RNF150: variants seen among roughly 807,000 people sequenced by gnomAD.
RNF150 encodes ring finger protein 150.
In RNF150, 24 loss-of-function variants were observed where a neutral mutation model predicts 39.3. The observed-to-expected ratio is 0.61, with a 90% CI of 0.44 to 0.86. The LOEUF is 0.86. Among genes scored for constraint, RNF150 ranks in the 40% least tolerant of loss-of-function variants. The probability of loss-of-function intolerance (pLI) is 0.00; values close to 1 mark genes in which losing one functional copy is unlikely to be tolerated. For missense variants in RNF150, 502 were observed against 587.8 expected, an observed-to-expected ratio of 0.85 and a Z score of 1.51; for synonymous variants, 255 against 227.3, an observed-to-expected ratio of 1.12 and a Z score of -1.10.
chr4:141,167,254 C>T (rs534271365), intron 1 of RNF150, among the ~76,000 whole-genome samples: 1 of 152,048 alleles, frequency 6.6e-6, no homozygotes, highest in South Asian at 2.1e-4. Context: ...TGAAAGACCT[C>T]TTCAAGGAAA....
chr4:141,033,000 C>T (rs563641097), intron 1 of RNF150, among the ~76,000 whole-genome samples: 13 of 152,120 alleles, frequency 8.5e-5, no homozygotes, highest in Non-Finnish European at 1.6e-4. Context: ...GTGGTGGTTA[C>T]TGAAGGTCGG....
intron 1 of RNF150, among the ~76,000 whole-genome samples, chr4:141,078,726 C>G (rs543730285): frequency 7.0e-6 from 1 of 142,902 alleles, no homozygotes; most frequent in African/African-American, 2.6e-5. Context: ...GGCGGTGGAG[C>G]TTGCAGTGAG....
At chr4:141,089,239 C>G (rs1349138083) in intron 1 of RNF150, among the ~76,000 whole-genome samples, 1 of 147,232 alleles carries the variant, frequency 6.8e-6, no homozygotes, top group Admixed American at 6.8e-5. Flanking sequence ...TGGGCTCTGT[C>G]TGCCTCTAGG....
upstream of RNF150, among the ~76,000 whole-genome samples, chr4:141,134,660 T>C (rs1726996707): frequency 6.6e-6 from 1 of 152,202 alleles, no homozygotes; most frequent in Non-Finnish European, 1.5e-5. Flanking sequence ...GAAGAATTTG[T>C]CTCTATGGCA....
intron 1 of RNF150, among the ~76,000 whole-genome samples, chr4:141,161,968 G>C (rs1727519796): frequency 6.6e-6 from 1 of 152,212 alleles, no homozygotes; most frequent in Non-Finnish European, 1.5e-5. Context: ...GGGTAATGTG[G>C]AGGGGAAATG....
chr4:141,050,331 C>G (rs1736730106), intron 1 of RNF150, among the ~76,000 whole-genome samples: 1 of 152,112 alleles, frequency 6.6e-6, no homozygotes, highest in Admixed American at 6.5e-5. Flanking sequence ...CTCCTGGCCC[C>G]TCCCAAATCT....
At chr4:140,913,589 T>C (rs1730701552) in intron 5 of RNF150, among the ~76,000 whole-genome samples, 2 of 152,184 alleles carry the variant, frequency 1.3e-5, no homozygotes, top group African/African-American at 2.4e-5. Flanking sequence ...CTAAGGCATG[T>C]TCCCTCCCAG....
chr4:141,172,069 G>C (rs1298984528), intron 1 of RNF150, among the ~76,000 whole-genome samples: 1 of 152,222 alleles, frequency 6.6e-6, no homozygotes, highest in African/African-American at 2.4e-5. Context: ...CTCTAGAAAA[G>C]CACCACAAAA....
intron 1 of RNF150, among the ~76,000 whole-genome samples, chr4:141,005,731 T>C (rs1040900684): frequency 2.6e-5 from 4 of 152,230 alleles, no homozygotes; most frequent in Admixed American, 6.5e-5. Flanking sequence ...GAGTATATCA[T>C]GTACTATGAC....
chr4:141,156,127 C>T (rs946198155), intron 1 of RNF150, among the ~76,000 whole-genome samples: 4 of 151,810 alleles, frequency 2.6e-5, no homozygotes, highest in African/African-American at 4.8e-5. Context: ...CATGGACCTT[C>T]CATCCCATCA....
At chr4:141,111,878 A>AT (rs1209284895) in intron 1 of RNF150, among the ~76,000 whole-genome samples, 1 of 152,072 alleles carries the variant, frequency 6.6e-6, no homozygotes, top group African/African-American at 2.4e-5. Flanking sequence ...TTAAAATAAC[A>AT]TTTTTTTGTA....
At chr4:141,113,002 C>T (rs1388022593) in intron 1 of RNF150, among the ~76,000 whole-genome samples, 1 of 151,948 alleles carries the variant, frequency 6.6e-6, no homozygotes, top group Non-Finnish European at 1.5e-5. Context: ...AACCTTTCTT[C>T]CGCTTGATCT....
At chr4:140,913,188 T>C (rs752956602) in intron 5 of RNF150, among the ~76,000 whole-genome samples, 11 of 152,038 alleles carry the variant, frequency 7.2e-5, no homozygotes, top group Non-Finnish European at 1.5e-4. Flanking sequence ...TTGAACCTGG[T>C]AGGCGGAGGT....
intron 1 of RNF150, among the ~76,000 whole-genome samples, chr4:141,026,664 G>A (rs558886291): frequency 2.0e-5 from 3 of 152,312 alleles, no homozygotes; most frequent in East Asian, 3.9e-4. Context: ...ATGGTATGTA[G>A]TATAATGTTT....
intron 6 of RNF150, among the ~76,000 whole-genome samples, chr4:140,869,420 C>T (rs1728842402): frequency 6.6e-6 from 1 of 151,948 alleles, no homozygotes; most frequent in South Asian, 2.1e-4. Flanking sequence ...TTCAGTTCTC[C>T]CAAATACTCT....
chr4:140,968,208 G>T (rs946963553), intron 1 of RNF150, among the ~76,000 whole-genome samples: 5 of 152,002 alleles, frequency 3.3e-5, no homozygotes, highest in African/African-American at 9.7e-5. Flanking sequence ...TTCCCAACCA[G>T]CCCAGTTTAC....
At chr4:140,952,565 A>C (rs1732581964) in intron 2 of RNF150, among the ~76,000 whole-genome samples, 1 of 152,200 alleles carries the variant, frequency 6.6e-6, no homozygotes, top group Non-Finnish European at 1.5e-5. Context: ...CGCCCTTTTA[A>C]AATAATGAAG....
intron 6 of RNF150, among the ~76,000 whole-genome samples, chr4:140,899,169 T>C (rs912502112): frequency 1.3e-5 from 2 of 152,190 alleles, no homozygotes; most frequent in Non-Finnish European, 2.9e-5. Context: ...ACTGCTGCCC[T>C]GAAACTGTCC....
intron 1 of RNF150, among the ~76,000 whole-genome samples, chr4:141,172,570 G>A (rs1441802754): frequency 2.0e-5 from 3 of 152,042 alleles, no homozygotes; most frequent in African/African-American, 4.8e-5. Flanking sequence ...TACCCTGTAC[G>A]AGATATGACT....
Sources: allele counts gnomAD v4.1 joint callset (sites outside exome capture counted in the v4.1 genomes callset), GRCh38; gene constraint gnomAD v4.1.1; transcripts MANE v1.5; gene names NCBI Gene and HGNC (gene_info 2026-07-23, HGNC 2026-07-21).